The following EPC1 variants were observed in gnomAD, a reference collection of about 807,000 sequenced individuals.
The protein encoded by EPC1 is enhancer of polycomb homolog 1.
Under a neutral mutation model 98.4 loss-of-function variants are expected in EPC1, and 12 were observed. That is an observed-to-expected ratio of 0.12 (90% confidence interval 0.08 to 0.20). The LOEUF (loss-of-function observed/expected upper bound fraction) is 0.20, where lower values mean the gene tolerates loss of function less well. Among genes scored for constraint, EPC1 ranks in the 10% least tolerant of loss-of-function variants. EPC1 has a pLI of 1.00. For missense variants in EPC1, 729 were observed against 990.5 expected (o/e 0.74, Z 3.54); for synonymous variants, 357 against 363.9 (o/e 0.98, Z 0.21).
intron 1 of EPC1, among the ~76,000 whole-genome samples, chr10:32,361,450 G>A (rs568714796): frequency 1.3e-5 from 2 of 152,254 alleles, no homozygotes; most frequent in East Asian, 1.9e-4. Context: ...TAGTAGCGCC[G>A]AAAAGCTATC....
intron 10 of EPC1, among the ~76,000 whole-genome samples, chr10:32,275,413 C>T (rs1300674746): frequency 6.6e-6 from 1 of 152,142 alleles, no homozygotes; most frequent in South Asian, 2.1e-4. Flanking sequence ...GTGGGTGGAT[C>T]ACGAGGTCAG....
intron 1 of EPC1, among the ~76,000 whole-genome samples, chr10:32,371,347 A>G (rs2133123116): frequency 6.6e-6 from 1 of 152,286 alleles, no homozygotes; most frequent in East Asian, 1.9e-4. Flanking sequence ...TCTCAGTCTC[A>G]TGGATACTAT....
Position 32,293,048 on chromosome 10 carries a change from G to A in EPC1, c.606C>T (p.Ser202=). Residue 202 remains serine, a synonymous_variant, in exon 4 of 14, where the codon TCC becomes TCT. Coordinates refer to ENST00000319778, the MANE Select transcript of EPC1 (RefSeq NM_001272004.3). ...PSVKQEKRDG[S]STNDPYVAFR... ...AAGCCACATAAGGATCATTTGTGCT[G>A]GAACCATCTCGCTTCTCTTGTTTTA... 1 of 1,613,138 alleles carries A rather than the reference G, an allele frequency of 6.2e-7. No individual in the cohort carries two copies. The highest frequency in any genetic ancestry group is 8.5e-7 in the Non-Finnish European group (1 of 1,179,544).
chr10:32,303,714 ATAG>A (rs568517083), intron 2 of EPC1, among the ~76,000 whole-genome samples: 6 of 152,356 alleles, frequency 3.9e-5, no homozygotes, highest in Non-Finnish European at 8.8e-5. Context: ...GAGTGTCTTG[ATAG>A]TGGTGGTGGT....
chr10:32,271,432 A>G (rs752327731), intron 13 of EPC1, 122 bp downstream of exon 13: 27 of 1,110,884 alleles, frequency 2.4e-5, no homozygotes, highest in Non-Finnish European at 3.4e-5. Flanking sequence ...ATTCTCAACT[A>G]TACATTTTCA....
upstream of EPC1, among the ~76,000 whole-genome samples, chr10:32,347,658 G>T (rs1382484665): frequency 6.6e-6 from 1 of 151,822 alleles, no homozygotes; most frequent in African/African-American, 2.4e-5. Flanking sequence ...CTCCAGAGGC[G>T]CCGCGCGCCG....
chr10:32,358,933 T>A (rs559335816), intron 1 of EPC1, among the ~76,000 whole-genome samples: 15 of 152,346 alleles, frequency 9.8e-5, no homozygotes, highest in Non-Finnish European at 1.8e-4. Flanking sequence ...AGGGAAATAC[T>A]GCTTATTAAA....
intron 1 of EPC1, among the ~76,000 whole-genome samples, chr10:32,337,107 T>C (rs898665556): frequency 2.6e-5 from 4 of 152,218 alleles, no homozygotes; most frequent in African/African-American, 9.6e-5. Flanking sequence ...TTTTTGGCCT[T>C]TGTTCTGGGA....
At position 32,286,950 on chromosome 10, in the gene EPC1, C is replaced by T. The variant is rs1014069024; in HGVS notation, c.1218G>A (p.Arg406=). 7 of 1,613,620 alleles carry T rather than the reference C, an allele frequency of 4.3e-6. No individual in the cohort carries two copies. The African/African-American group carries it at 9.3e-5, about 22-fold the overall frequency. Reference sequence around the variant, plus strand: ...CAGCATAGTACTGACAGCCTGCTTTCCTACGGAAAGCAAAAGGACCATCAG... The same window carrying T: ...CAGCATAGTACTGACAGCCTGCTTTTCTACGGAAAGCAAAAGGACCATCAG... ...NDPDGPFAFR[R]KAGCQYYAPH... is the part of the protein sequence containing the mutation. The change falls in exon 8 of 14, where the codon AGG becomes AGA. Residue 406 remains arginine (R), a synonymous_variant. Coordinates refer to ENST00000319778, the MANE Select transcript of EPC1 (RefSeq NM_001272004.3).
chr10:32,353,327 T>C (rs1019191209), intron 1 of EPC1, among the ~76,000 whole-genome samples: 1 of 152,100 alleles, frequency 6.6e-6, no homozygotes, highest in East Asian at 1.9e-4. Flanking sequence ...AAGGGTTTCA[T>C]TGTTTTTGAA....
At chr10:32,345,176 G>A in intron 1 of EPC1, 1 of 982,474 alleles carries the variant, frequency 1.0e-6, no homozygotes, top group Non-Finnish European at 1.2e-6. Flanking sequence ...AAATGGCCAT[G>A]CTACTCTAAA....
chr10:32,333,315 G>A (rs1356527063), intron 1 of EPC1, among the ~76,000 whole-genome samples: 1 of 152,206 alleles, frequency 6.6e-6, no homozygotes, highest in Non-Finnish European at 1.5e-5. Context: ...CTGGGCGACA[G>A]AGTGAGACTT....
chr10:32,277,239 G>T (rs554716188), intron 10 of EPC1, among the ~76,000 whole-genome samples: 8 of 152,292 alleles, frequency 5.3e-5, no homozygotes, highest in African/African-American at 1.9e-4. Flanking sequence ...AATCCTATGT[G>T]TGGGACAGGA....
At chr10:32,295,241 G>A (rs764830150) in intron 2 of EPC1, among the ~76,000 whole-genome samples, 3 of 152,028 alleles carry the variant, frequency 2.0e-5, no homozygotes, top group South Asian at 2.1e-4. Context: ...GTAATGTTAC[G>A]TCTATTAAAG....
chr10:32,328,977 C>T lies in EPC1; in HGVS notation c.153+17786G>A, dbSNP rs573215599. Among the ~76,000 whole-genome samples, 27 of 152,310 alleles carry T rather than the reference C, an allele frequency of 1.8e-4. No individual in the cohort carries two copies. In the South Asian group the frequency reaches 5.6e-3, roughly 32 times the overall value. The stretch of plus-strand genomic sequence containing the variant: ...ACTCTTAAGTTTGATGCAATCATTA[C>T]TTGGGACTTCTGAGCTGGCTTCGCC... On this transcript the variant is annotated intron_variant, in intron 1 of 13. Coordinates refer to ENST00000319778, the MANE Select transcript of EPC1 (RefSeq NM_001272004.3).
At chr10:32,316,133 A>T (rs1474705318) in intron 1 of EPC1, among the ~76,000 whole-genome samples, 1 of 152,190 alleles carries the variant, frequency 6.6e-6, no homozygotes, top group Non-Finnish European at 1.5e-5. Context: ...GACTGATCAG[A>T]TCATTCCTTA....
chr10:32,272,136 C>G lies in EPC1; in HGVS notation c.1895G>C (p.Ser632Thr), dbSNP rs1425351432. 6.2e-7 allele frequency: 1 copy of G among 1,611,736 alleles called. No homozygotes were observed. The highest frequency in any genetic ancestry group is 8.5e-7 in the Non-Finnish European group (1 of 1,179,444). Reference protein sequence around the residue: ...GFVSKTLDSASAQFAASALVT... With the variant: ...GFVSKTLDSATAQFAASALVT... The stretch of plus-strand genomic sequence containing the variant: ...CAAAGCAGAAGCAGCAAACTGTGCA[C>G]TAGCAGAATCCAAAGTCTTAGAAAC... Residue 632 changes from serine to threonine, a missense_variant, in exon 12 of 14, where the codon AGT becomes ACT. Transcript: ENST00000319778.
intron 1 of EPC1, among the ~76,000 whole-genome samples, chr10:32,357,242 A>G (rs1839305538): frequency 6.6e-6 from 1 of 152,228 alleles, no homozygotes; most frequent in African/African-American, 2.4e-5. Context: ...ACTTCTCTAC[A>G]TGAATTACTG....
At chr10:32,345,884 T>C (rs1324439526) in intron 1 of EPC1, among the ~76,000 whole-genome samples, 1 of 152,170 alleles carries the variant, frequency 6.6e-6, no homozygotes, top group East Asian at 1.9e-4. Flanking sequence ...CCCCCTATGT[T>C]GAGATACCAG....
Sources: gnomAD v4.1 joint callset for allele counts (sites outside exome capture counted in the v4.1 genomes callset) on GRCh38, gnomAD v4.1.1 for gene constraint, MANE v1.5 for transcripts, NCBI Gene and HGNC (gene_info 2026-07-23, HGNC 2026-07-21) for gene names.